Variants in GCNT4 observed in about 807,000 individuals in gnomAD.
GCNT4 encodes the protein beta-1,3-galactosyl-O-glycosyl-glycoprotein beta-1,6-N-acetylglucosaminyltransferase 4.
Under a neutral mutation model 31.3 loss-of-function variants are expected in GCNT4, and 17 were observed. That is an observed-to-expected ratio of 0.54 (90% confidence interval 0.37 to 0.81). The LOEUF is 0.81. GCNT4 is among the 40% of genes least tolerant of loss of function. GCNT4 has a pLI of 0.00. For missense variants in GCNT4, 503 were observed against 525.5 expected, an observed-to-expected ratio of 0.96 and a Z score of 0.42; for synonymous variants, 158 against 190.6, an observed-to-expected ratio of 0.83 and a Z score of 1.41.
intron 3 of GCNT4, among the ~76,000 whole-genome samples, chr5:75,032,987 G>T: frequency 6.6e-6 from 1 of 151,218 alleles, no homozygotes; most frequent in Non-Finnish European, 1.5e-5. Flanking sequence ...AATTGGAAGG[G>T]GTCTAACTCA....
intron 3 of GCNT4, among the ~76,000 whole-genome samples, chr5:75,034,900 A>G (rs1743161282): frequency 1.3e-5 from 2 of 152,078 alleles, no homozygotes; most frequent in African/African-American, 4.8e-5. Flanking sequence ...ACAGAGGTGC[A>G]CCCCAGCTAA....
chr5:75,029,097 T>C lies in GCNT4; in HGVS notation c.941A>G (p.Tyr314Cys), dbSNP rs759164912. The C allele has an allele frequency of 6.2e-7, 1 of 1,614,152 alleles. No homozygotes were observed. Among genetic ancestry groups the C allele is most frequent in the Non-Finnish European group, 8.5e-7 (1 of 1,180,012 alleles). The change falls in exon 4 of 4, where the codon TAT (tyrosine) becomes TGT (cysteine). Residue 314 changes from tyrosine to cysteine, a missense_variant. Physicochemically the swap from Tyr to Cys is radical, Grantham distance 194 (BLOSUM62 -2). Transcript: ENST00000652361. ...TTGAACGATGGAGTTGTTGAAAATA[T>C]ATTTAACAAATGCTTGACTTAAAAC... is the stretch of plus-strand genomic sequence containing the variant. Reference protein sequence around the residue: ...YFVLSQAFVKYIFNNSIVQDF... With the variant: ...YFVLSQAFVKCIFNNSIVQDF...
At chr5:75,051,578 C>T (rs2149981112) in intron 2 of GCNT4, among the ~76,000 whole-genome samples, 1 of 152,268 alleles carries the variant, frequency 6.6e-6, no homozygotes, top group South Asian at 2.1e-4. Flanking sequence ...GGGCCCTCTA[C>T]CTGCTCTCTC....
Position 75,041,258 on chromosome 5 carries a change from C to T in GCNT4, c.-2+6639G>A, listed in dbSNP as rs764017626. 4.9e-3 allele frequency among the ~76,000 whole-genome samples: 739 copies of T among 152,364 alleles called. 6 individuals are homozygous for T. The highest frequency in any genetic ancestry group is 0.019 in the Admixed American group (293 of 15,302). On this transcript the variant is annotated intron_variant, in intron 3 of 3. Coordinates refer to ENST00000652361, the MANE Select transcript of GCNT4 (RefSeq NM_001366737.1). Reference sequence around the variant, plus strand: ...ATGTGAATACACAAACACACCCTCACCCAGGGCCTTTGCCAGTCCTCTGTC... The same window carrying T: ...ATGTGAATACACAAACACACCCTCATCCAGGGCCTTTGCCAGTCCTCTGTC...
chr5:75,035,344 G>A (rs1030090888), intron 3 of GCNT4, among the ~76,000 whole-genome samples: 2 of 152,246 alleles, frequency 1.3e-5, no homozygotes, highest in Non-Finnish European at 1.5e-5. Context: ...AGTCAAGAAT[G>A]AGAGGAAGAC....
At chr5:75,024,506 G>T (rs1742918814), downstream of GCNT4, among the ~76,000 whole-genome samples, 1 of 152,152 alleles carries the variant, frequency 6.6e-6, no homozygotes, top group South Asian at 2.1e-4. Flanking sequence ...AAAGAAAAAT[G>T]GCCAGGGAGC....
intron 3 of GCNT4, among the ~76,000 whole-genome samples, chr5:75,037,031 G>A (rs1743214289): frequency 6.6e-6 from 1 of 152,208 alleles, no homozygotes; most frequent in African/African-American, 2.4e-5. Flanking sequence ...AATAGGATAT[G>A]AAGAGCTTAT....
downstream of GCNT4, among the ~76,000 whole-genome samples, chr5:75,022,424 G>A (rs1347365397): frequency 1.3e-5 from 2 of 152,144 alleles, no homozygotes; most frequent in Non-Finnish European, 2.9e-5. Context: ...AAAATTTGGT[G>A]GTTTCTAAAT....
At chr5:75,017,203 C>T in the GCNT4 span, among the ~76,000 whole-genome samples, 4 of 152,144 alleles carry the variant, frequency 2.6e-5, no homozygotes, top group Non-Finnish European at 5.9e-5. Context: ...TTTTGAATCC[C>T]AACATCTTTT....
In GCNT4 at chr5:75,027,694, A is replaced by C. The variant is rs1466377102; in HGVS notation, c.*982T>G. 1 of 152,436 alleles carries C rather than the reference A, an allele frequency of 6.6e-6. No homozygotes were observed. Among genetic ancestry groups the C allele is most frequent in the Non-Finnish European group, 1.5e-5 (1 of 67,996 alleles). 9.4% of individuals were successfully genotyped at this position (152,436 alleles called of 1,614,324 possible). On this transcript the variant is annotated 3_prime_UTR_variant, in exon 4 of 4. Coordinates refer to ENST00000652361, the MANE Select transcript of GCNT4 (RefSeq NM_001366737.1). ...AATTTAGAAAGCTGTCATATTTCAC[A>C]CAACCTTTTGAAGAAAGTTTAGTGA...
intron 3 of GCNT4, among the ~76,000 whole-genome samples, chr5:75,046,561 A>G (rs1743443850): frequency 6.6e-6 from 1 of 152,128 alleles, no homozygotes; most frequent in South Asian, 2.1e-4. Flanking sequence ...CTCTTTGGAA[A>G]CAGGTCTAAC....
intron 3 of GCNT4, among the ~76,000 whole-genome samples, chr5:75,034,043 T>C (rs1332133456): frequency 6.6e-6 from 1 of 152,212 alleles, no homozygotes; most frequent in South Asian, 2.1e-4. Context: ...CGCACAGAAA[T>C]ACCTTTAACT....
At chr5:75,033,519 C>G (rs1274544317) in intron 3 of GCNT4, among the ~76,000 whole-genome samples, 8 of 152,124 alleles carry the variant, frequency 5.3e-5, no homozygotes. Context: ...TCGCCCAAGG[C>G]ATCTTTAAGG....
At position 75,028,678 on chromosome 5, in the gene GCNT4, A is replaced by C; in HGVS notation, c.1360T>G (p.Ter454GlyextTer1). Residue 454 changes from the stop codon to glycine, a stop_lost, in exon 4 of 4, where the codon TGA becomes GGA. Transcript: ENST00000652361. ...FMDRNLTTTS[*>G] ...TTATTTCCATCCTGATTTTACTATC[A>C]TGATGTGGTAGTGAGATTTCTATCC... is the stretch of plus-strand genomic sequence containing the variant. The C allele has an allele frequency of 6.2e-7, 1 of 1,608,318 alleles. No homozygotes were observed. Among genetic ancestry groups the C allele is most frequent in the Non-Finnish European group, 8.5e-7 (1 of 1,177,594 alleles).
Position 75,045,780 on chromosome 5 carries a change from T to C in GCNT4, c.-2+2117A>G, listed in dbSNP as rs151136741. Among the ~76,000 whole-genome samples the C allele has an allele frequency of 5.4e-3, 819 of 151,660 alleles. 4 individuals carry two copies. The highest frequency in any genetic ancestry group is 0.018 in the African/African-American group (762 of 41,526). On this transcript the variant is annotated intron_variant, in intron 3 of 3. Transcript: ENST00000652361. ...TCTGGAGAGATACAACTAGAAACTC[T>C]ACTGCCTGGAGGAATGCAGAGAGAA...
At chr5:75,031,079 CTT>C (rs573067505) in intron 3 of GCNT4, among the ~76,000 whole-genome samples, 17 of 145,196 alleles carry the variant, frequency 1.2e-4, no homozygotes, top group Non-Finnish European at 7.6e-5. Context: ...CTTTTTCTCT[CTT>C]TTTTTTTTTT....
chr5:75,036,318 C>T (rs1484276066), intron 3 of GCNT4, among the ~76,000 whole-genome samples: 4 of 152,082 alleles, frequency 2.6e-5, no homozygotes, highest in Non-Finnish European at 5.9e-5. Flanking sequence ...CTCAAGAGAT[C>T]GATGAGGTAG....
the GCNT4 span, among the ~76,000 whole-genome samples, chr5:75,017,957 G>A: frequency 6.6e-6 from 1 of 152,038 alleles, no homozygotes; most frequent in Non-Finnish European, 1.5e-5. Context: ...AAGAGGGGTG[G>A]GTCTATGGAC....
downstream of GCNT4, among the ~76,000 whole-genome samples, chr5:75,024,534 TTGATGA>T (rs1742919180): frequency 6.6e-6 from 1 of 151,240 alleles, no homozygotes; most frequent in East Asian, 1.9e-4. Flanking sequence ...CGGGTGGGGG[TTGATGA>T]TAACAAATAC....
Sources: gnomAD v4.1 joint callset for allele counts (sites outside exome capture counted in the v4.1 genomes callset) on GRCh38, gnomAD v4.1.1 for gene constraint, MANE v1.5 for transcripts, NCBI Gene and HGNC (gene_info 2026-07-23, HGNC 2026-07-21) for gene names.